The following GET1 variants were observed in gnomAD, a reference collection of about 807,000 sequenced individuals.
GET1 encodes the protein congenital heart disease 5 protein.
A neutral mutation model predicts 22.6 loss-of-function variants in GET1; 20 were observed. The observed-to-expected ratio is 0.89, with a 90% CI of 0.62 to 1.29. GET1 has a LOEUF of 1.29. Among genes scored for constraint, GET1 ranks in the 50% most tolerant of loss-of-function variants. The pLI is 0.00. For missense variants in GET1, 209 were observed against 219.9 expected (o/e 0.95, Z 0.31); for synonymous variants, 92 against 83.8 (o/e 1.10, Z -0.53).
chr21:39,411,759 C>T lies in GET1; in HGVS notation c.*23+822C>T, dbSNP rs750728282. 9.4e-6 allele frequency: 15 copies of T among 1,589,224 alleles called. No homozygotes were observed. The highest frequency in any genetic ancestry group is 6.8e-5 in the Admixed American group (4 of 58,750). ...TGTGTCATGTAAATTTTTAAGTATT[C>T]GATGACTATAGATGTTTTTAATTTC... On this transcript the variant is annotated intron_variant, in intron 1 of 1. Transcript: ENST00000478273.
At chr21:39,410,024 C>T, downstream of GET1, 1 of 1,607,870 alleles carries the variant, frequency 6.2e-7, no homozygotes, top group Non-Finnish European at 8.5e-7. Context: ...AGTTTATTCA[C>T]ACAGTGAGGA....
At chr21:39,426,548 T>C (rs1257714614) in intron 1 of GET1, among the ~76,000 whole-genome samples, 1 of 152,222 alleles carries the variant, frequency 6.6e-6, no homozygotes, top group Non-Finnish European at 1.5e-5. Flanking sequence ...AGTTCTCTCA[T>C]TGGGGTCTGG....
chr21:39,383,095 T>C (rs985703214), intron 1 of GET1, among the ~76,000 whole-genome samples: 8 of 151,094 alleles, frequency 5.3e-5, no homozygotes, highest in South Asian at 2.1e-4. Flanking sequence ...GGACTACAGG[T>C]GCCCACCACC....
chr21:39,415,764 C>A (rs2041028750), intron 1 of GET1, among the ~76,000 whole-genome samples: 1 of 152,132 alleles, frequency 6.6e-6, no homozygotes, highest in Admixed American at 6.6e-5. Context: ...TCACTCTCAC[C>A]TCTTATTTTT....
At chr21:39,394,062 GC>G in intron 4 of GET1, among the ~76,000 whole-genome samples, 1 of 152,254 alleles carries the variant, frequency 6.6e-6, no homozygotes, top group South Asian at 2.1e-4. Context: ...GGGTGCAGTG[GC>G]TCACGCCTGT....
chr21:39,411,672 C>G, intron 1 of GET1: 1 of 957,832 alleles, frequency 1.0e-6, no homozygotes, highest in African/African-American at 1.7e-5. Flanking sequence ...GAAAATCTGA[C>G]TAGATACTTA....
exon 5 of GET1, chr21:39,406,326 A>G (rs757303617): frequency 1.2e-6 from 2 of 1,614,144 alleles, no homozygotes; most frequent in Admixed American, 1.7e-5. Flanking sequence ...TGAATGAGTA[A>G]TGTCTTCTTT....
At position 39,391,631 on chromosome 21, in the gene GET1, A is replaced by G. The variant is rs979040710; in HGVS notation, c.269-138A>G. ...GGGTGACTTAAAAATTCTATTTTAT[A>G]TTTTCTAAATATGTTGAGCGATTGT... is the stretch of plus-strand genomic sequence containing the variant. On this transcript the variant is annotated intron_variant, in intron 2 of 4. Coordinates refer to ENST00000649170, the MANE Select transcript of GET1 (RefSeq NM_004627.6). 24 of 841,492 alleles carry G rather than the reference A, an allele frequency of 2.9e-5. 1 individual carries two copies. The Admixed American group carries it at 5.0e-4, about 18-fold the overall frequency. 52.1% of individuals were successfully genotyped at this position (841,492 alleles called of 1,614,324 possible). A position where few individuals can be genotyped will look rare whatever the true frequency, so the allele number is the denominator to read the frequency against.
Position 39,406,193 on chromosome 21 carries a change from C to T in GET1, c.*209C>T, listed in dbSNP as rs752919914. On this transcript the variant is annotated 3_prime_UTR_variant, in exon 5 of 5. Transcript: ENST00000415847. ...GGCTCATACCCACTGTCAGAATGCT[C>T]TAGCTCCATTTCCTCTCTGTTACTG... The T allele has an allele frequency of 6.8e-6, 11 of 1,614,126 alleles. No individual in the cohort carries two copies. The African/African-American group carries it at 8.0e-5, about 12-fold the overall frequency.
intron 4 of GET1, among the ~76,000 whole-genome samples, chr21:39,403,109 A>G (rs2038879291): frequency 6.6e-6 from 1 of 152,082 alleles, no homozygotes; most frequent in East Asian, 1.9e-4. Context: ...TCAGCATACC[A>G]TTTCCAGGAG....
At chr21:39,416,329 T>C (rs1277901611) in intron 1 of GET1, among the ~76,000 whole-genome samples, 1 of 152,256 alleles carries the variant, frequency 6.6e-6, no homozygotes, top group Non-Finnish European at 1.5e-5. Context: ...TGGGCAGTTA[T>C]CTTTATTGAT....
chr21:39,399,162 G>A (rs1184387171), downstream of GET1, among the ~76,000 whole-genome samples: 1 of 152,216 alleles, frequency 6.6e-6, no homozygotes, highest in East Asian at 1.9e-4. Flanking sequence ...TCTGTTAACA[G>A]TTTTTTATGA....
downstream of GET1, among the ~76,000 whole-genome samples, chr21:39,400,520 C>CT (rs1569047292): frequency 6.6e-6 from 1 of 152,162 alleles, no homozygotes; most frequent in African/African-American, 2.4e-5. Flanking sequence ...TGTATGGAGT[C>CT]TGTTTTCTTT....
intron 2 of GET1, 150 bp from the exon 3 acceptor site, chr21:39,391,619 A>C: frequency 1.3e-6 from 1 of 785,454 alleles, no homozygotes; most frequent in Non-Finnish European, 2.0e-6. Context: ...TGACTTAAAA[A>C]TTCTATTTTA....
intron 1 of GET1, chr21:39,426,016 T>G (rs1187226119): frequency 6.6e-6 from 1 of 152,296 alleles, no homozygotes; most frequent in Non-Finnish European, 1.5e-5. Flanking sequence ...AAAGATCATA[T>G]GGCTTGGACA....
At chr21:39,390,043 T>G (rs964160771) in intron 1 of GET1, among the ~76,000 whole-genome samples, 42 of 76,606 alleles carry the variant, frequency 5.5e-4, no homozygotes, top group East Asian at 7.3e-4. Context: ...TGAATATGAG[T>G]TTTTTTTTTT....
intron 1 of GET1, chr21:39,423,406 CTTCTT>C (rs2074073840): frequency 6.2e-7 from 1 of 1,605,334 alleles, no homozygotes; most frequent in Non-Finnish European, 8.5e-7. Context: ...CATAGCATCT[CTTCTT>C]TGGGCAATCA....
chr21:39,397,910 G>T (rs1475244451), downstream of GET1: 1 of 152,108 alleles, frequency 6.6e-6, no homozygotes, highest in Non-Finnish European at 1.5e-5. Context: ...GTTCATATTT[G>T]TACTCTTTTG....
In GET1 at chr21:39,426,921, G is replaced by A. The variant is rs2837024; in HGVS notation, c.*24-1311G>A. 5.3e-5 allele frequency among the ~76,000 whole-genome samples: 8 copies of A among 152,154 alleles called. No individual in the cohort carries two copies. In the East Asian group the frequency reaches 5.8e-4, roughly 11 times the overall value. On this transcript the variant is annotated intron_variant, in intron 1 of 1. Coordinates refer to the GET1 transcript ENST00000478273. ...AGACTCTGATGAAAGGTACAGGGCC[G>A]TCTAGAAAAGTTTACAAACACACAT... is the stretch of plus-strand genomic sequence containing the variant.
Sources: gnomAD v4.1 joint callset for allele counts (sites outside exome capture counted in the v4.1 genomes callset) on GRCh38, gnomAD v4.1.1 for gene constraint, MANE v1.5 for transcripts, NCBI Gene and HGNC (gene_info 2026-07-23, HGNC 2026-07-21) for gene names.